The following COX10 variants were observed in gnomAD, a reference collection of about 807,000 sequenced individuals.
COX10 encodes the protein cytochrome c oxidase assembly factor heme A:farnesyltransferase COX10, also known as protoheme IX farnesyltransferase, mitochondrial.
Under a neutral mutation model 37.3 loss-of-function variants are expected in COX10, and 27 were observed. The observed-to-expected ratio is 0.72, with a 90% CI of 0.53 to 1.00. The LOEUF (loss-of-function observed/expected upper bound fraction) is 1.00, where lower values mean the gene tolerates loss of function less well. COX10 is among the 50% of genes least tolerant of loss of function. The probability of loss-of-function intolerance (pLI) is 0.00; values close to 1 mark genes in which losing one functional copy is unlikely to be tolerated. For missense variants in COX10, 475 were observed against 563.2 expected (o/e 0.84, Z 1.59); for synonymous variants, 222 against 229.1 (o/e 0.97, Z 0.28).
intron 5 of COX10, among the ~76,000 whole-genome samples, chr17:14,187,145 ACT>A (rs1437924629): frequency 6.6e-6 from 1 of 151,010 alleles, no homozygotes; most frequent in Non-Finnish European, 1.5e-5. Flanking sequence ...ACTTGTGCAA[ACT>A]CTCTGGAGTA....
chr17:14,171,083 CAG>C (rs1212752529), intron 5 of COX10, among the ~76,000 whole-genome samples: 2 of 152,018 alleles, frequency 1.3e-5, no homozygotes, highest in Non-Finnish European at 2.9e-5. Context: ...TAAGCAAACT[CAG>C]AGTGAAAACT....
At chr17:14,114,762 G>T (rs1916075262) in intron 4 of COX10, among the ~76,000 whole-genome samples, 1 of 152,024 alleles carries the variant, frequency 6.6e-6, no homozygotes, top group Admixed American at 6.6e-5. Flanking sequence ...GGTAATTAGG[G>T]TTTACATGTA....
At chr17:14,182,016 T>A (rs118153486) in intron 5 of COX10, 37,786 of 982,622 alleles carry the variant, frequency 0.038, 636 homozygotes, top group Non-Finnish European at 0.043. Flanking sequence ...TTTTTTTTTT[T>A]ACAGGCAATC....
intron 4 of COX10, among the ~76,000 whole-genome samples, chr17:14,113,426 A>G (rs1434454367): frequency 6.6e-6 from 1 of 152,092 alleles, no homozygotes; most frequent in African/African-American, 2.4e-5. Flanking sequence ...TACAATGTTT[A>G]TATTATTTAC....
intron 3 of COX10, among the ~76,000 whole-genome samples, chr17:14,085,424 A>G (rs776998774): frequency 6.6e-6 from 1 of 152,172 alleles, no homozygotes; most frequent in Non-Finnish European, 1.5e-5. Flanking sequence ...ATTCCATAGT[A>G]TAGATATATT....
intron 4 of COX10, among the ~76,000 whole-genome samples, chr17:14,152,611 T>A (rs1230672319): frequency 1.3e-5 from 2 of 152,206 alleles, no homozygotes; most frequent in Admixed American, 6.5e-5. Context: ...TATCTAATTC[T>A]GGGCCTGACA....
At chr17:14,174,768 A>G (rs1383352453) in intron 5 of COX10, among the ~76,000 whole-genome samples, 1 of 151,418 alleles carries the variant, frequency 6.6e-6, no homozygotes, top group Non-Finnish European at 1.5e-5. Context: ...TTACCATACA[A>G]TCCCATTCCT....
In COX10 at chr17:14,105,202, G is replaced by A. The variant is rs1915864844; in HGVS notation, c.624+2960G>A. 2.6e-5 allele frequency among the ~76,000 whole-genome samples: 4 copies of A among 152,282 alleles called. No homozygotes were observed. The South Asian group carries it at 8.3e-4, about 32-fold the overall frequency. ...GTGATTTTTTAGACTGGTTATGTCA[G>A]TCAGTGTGTATGTCAGTAAATACAT... On this transcript the variant is annotated intron_variant, in intron 4 of 6. Coordinates refer to ENST00000261643, the MANE Select transcript of COX10 (RefSeq NM_001303.4).
At chr17:14,132,649 C>T (rs1000877989) in intron 4 of COX10, among the ~76,000 whole-genome samples, 1 of 151,308 alleles carries the variant, frequency 6.6e-6, no homozygotes. Context: ...GTTAAATTTT[C>T]CAGAGGATAT....
At chr17:14,191,944 G>T (rs1257092288) in intron 5 of COX10, 45 bp from the exon 6 acceptor site, 1 of 1,601,250 alleles carries the variant, frequency 6.2e-7, no homozygotes, top group African/African-American at 1.3e-5. Context: ...GTGTGATTGA[G>T]TTGAGTTGGA....
intron 4 of COX10, among the ~76,000 whole-genome samples, chr17:14,115,841 A>G (rs1169368407): frequency 1.6e-4 from 25 of 152,204 alleles, no homozygotes; most frequent in Admixed American, 1.6e-3. Flanking sequence ...TGGCCATAGA[A>G]TATGAAATGA....
Position 14,192,002 on chromosome 17 carries a change from G to A in COX10, c.709G>A (p.Val237Met). ...CTCTTTTTCCAGCCCATTGCTAGCT[G>A]TGTCCTTTGCCACTTGTTGTGCTGT... Reference protein sequence around the residue: ...VRGQISPLLAVSFATCCAVPG... With the variant: ...VRGQISPLLAMSFATCCAVPG... Residue 237 changes from valine (V) to methionine (M), a missense_variant, in exon 6 of 7, where the codon GTG becomes ATG. Physicochemically the swap from Val to Met is conservative, Grantham distance 21. Around this residue, in one of 5 missense-constraint regions of COX10, gnomAD observed 54 missense variants for 70.6 expected, o/e 0.76. Transcript: ENST00000261643. The A allele has an allele frequency of 6.2e-7, 1 of 1,614,184 alleles. No homozygotes were observed. Among genetic ancestry groups the A allele is most frequent in the African/African-American group, 1.3e-5 (1 of 75,058 alleles).
rs568218720 is a variant in COX10, at chr17:14,097,755, C to T, written c.500-4363C>T. On this transcript the variant is annotated intron_variant, in intron 3 of 6. Coordinates refer to ENST00000261643, the MANE Select transcript of COX10 (RefSeq NM_001303.4). ...AGTGATTATGGGGCTTTCTTGTCCA[C>T]TGGGATGGTAAATGACTTAAAAAAA... Among the ~76,000 whole-genome samples the T allele has an allele frequency of 2.6e-5, 4 of 152,222 alleles. No homozygotes were observed. The East Asian group carries it at 7.7e-4, about 29-fold the overall frequency.
intron 4 of COX10, 140 bp from the exon 5 acceptor site, chr17:14,159,737 C>G (rs1905133369): frequency 3.1e-6 from 2 of 650,316 alleles, no homozygotes; most frequent in South Asian, 3.9e-5. Context: ...TGGAATTTTT[C>G]TTCAAGAAGT....
intron 4 of COX10, among the ~76,000 whole-genome samples, chr17:14,103,989 C>T (rs1915839032): frequency 6.6e-6 from 1 of 152,112 alleles, no homozygotes; most frequent in South Asian, 2.1e-4. Context: ...TTTTCCAGCC[C>T]TGCTCCGCAT....
intron 5 of COX10, among the ~76,000 whole-genome samples, chr17:14,160,551 G>A (rs1004266783): frequency 1.3e-5 from 2 of 152,020 alleles, no homozygotes; most frequent in African/African-American, 2.4e-5. Flanking sequence ...GGGCCAAATG[G>A]TTTATACTGA....
intron 5 of COX10, among the ~76,000 whole-genome samples, chr17:14,160,373 CCAT>C (rs1905148544): frequency 6.6e-6 from 1 of 152,102 alleles, no homozygotes; most frequent in Admixed American, 6.5e-5. Context: ...AGTACTGCCT[CCAT>C]CACTCTCCAC....
intron 3 of COX10, among the ~76,000 whole-genome samples, chr17:14,084,144 C>T (rs991564948): frequency 6.6e-6 from 1 of 152,094 alleles, no homozygotes; most frequent in Admixed American, 6.5e-5. Flanking sequence ...TTTAAGAAGT[C>T]AACTTACTGT....
At chr17:14,182,453 T>TTCACAATTTCCTTAAGTTCTGAATTTACA (rs1905897284) in intron 5 of COX10, among the ~76,000 whole-genome samples, 2 of 152,194 alleles carry the variant, frequency 1.3e-5, no homozygotes, top group African/African-American at 4.8e-5. Context: ...TCTCATTTTC[T>TTCACAATTTCCTTAAGTTCTGAATTTACA]TCACAATTTC....
Sources: gnomAD v4.1 joint callset for allele counts (sites outside exome capture counted in the v4.1 genomes callset) on GRCh38, gnomAD v4.1.1 for gene constraint, gnomAD v4.1.1 regional missense constraint, MANE v1.5 for transcripts, NCBI Gene and HGNC (gene_info 2026-07-23, HGNC 2026-07-21) for gene names.